SPATS2L: variants seen among roughly 807,000 people sequenced by gnomAD.
The protein encoded by SPATS2L is SPATS2-like protein.
SPATS2L carries 30 observed loss-of-function variants against 59.6 expected under a neutral mutation model. The ratio of observed to expected loss-of-function variants is 0.50; its 90% CI spans 0.38 to 0.68. The LOEUF is 0.68. SPATS2L is among the 30% of genes least tolerant of loss of function. SPATS2L has a pLI of 0.00. For synonymous variants in SPATS2L, 252 were observed against 263.5 expected (o/e 0.96, Z 0.42); for missense variants, 615 against 700.0 (o/e 0.88, Z 1.37).
rs1249720593 is a variant in SPATS2L, at chr2:200,351,289, A to G, written c.-23+21809A>G. On this transcript the variant is annotated intron_variant, in intron 2 of 12. Coordinates refer to ENST00000409140, the MANE Select transcript of SPATS2L (RefSeq NM_001100423.2). ...AACAATAGCAAGCTTTTCTCCAAGC[A>G]TGTAAGTACCGGGAATACAGAGGAA... The G allele has an allele frequency of 1.1e-5, 5 of 471,518 alleles. 1 individual carries two copies. The highest frequency in any genetic ancestry group is 4.7e-5 in the Admixed American group (2 of 42,570). The allele number at this position is 471,518 out of a possible 1,614,324, so 29.2% of individuals were successfully genotyped here.
chr2:200,428,469 A>T (rs2083716358), intron 6 of SPATS2L, among the ~76,000 whole-genome samples: 1 of 152,160 alleles, frequency 6.6e-6, no homozygotes, highest in Admixed American at 6.5e-5. Flanking sequence ...CTGGCTGTTA[A>T]ATTGCTGAAG....
chr2:200,382,533 C>A (rs1432027096), intron 2 of SPATS2L, among the ~76,000 whole-genome samples: 2 of 152,184 alleles, frequency 1.3e-5, no homozygotes, highest in East Asian at 3.9e-4. Context: ...TTTTATTCCC[C>A]TGGTGGAGTT....
chr2:200,356,340 G>T (rs951115053), intron 2 of SPATS2L, among the ~76,000 whole-genome samples: 1 of 152,016 alleles, frequency 6.6e-6, no homozygotes, highest in African/African-American at 2.4e-5. Flanking sequence ...TGTCTCACTG[G>T]CAATGAACAT....
At position 200,454,453 on chromosome 2, in the gene SPATS2L, ATC is replaced by A. The variant is rs561468965; in HGVS notation, c.789-5314_789-5313del. Among the ~76,000 whole-genome samples, 54 of 152,328 alleles carry A rather than the reference ATC, an allele frequency of 3.5e-4. No homozygotes were observed. In the East Asian group the frequency reaches 0.01, roughly 29 times the overall value. ...CCTTTCACAGGGGAGAAAATGATAA[ATC>A]TATTACTACTAACGAGGCTTTCTGA... On this transcript the variant is annotated intron_variant, in intron 8 of 12. Transcript: ENST00000409140.
intron 1 of SPATS2L, among the ~76,000 whole-genome samples, chr2:200,321,757 T>C (rs2079566386): frequency 6.6e-6 from 1 of 152,254 alleles, no homozygotes; most frequent in African/African-American, 2.4e-5. Flanking sequence ...CTTACAGTTC[T>C]TTAGTGTCTA....
chr2:200,373,226 A>G (rs2081485481), intron 2 of SPATS2L: 2 of 150,038 alleles, frequency 1.3e-5, no homozygotes, highest in Admixed American at 1.3e-4. Flanking sequence ...TAGTGTCACT[A>G]AAGTTGGCAT....
chr2:200,328,748 C>T (rs911043987), intron 1 of SPATS2L, among the ~76,000 whole-genome samples: 7 of 152,242 alleles, frequency 4.6e-5, no homozygotes, highest in Non-Finnish European at 5.9e-5. Context: ...GATGGGTGAC[C>T]GAGTGAGTGA....
intron 2 of SPATS2L, chr2:200,384,012 T>TGATA: frequency 1.0e-6 from 1 of 1,001,918 alleles, no homozygotes; most frequent in Non-Finnish European, 1.2e-6. Flanking sequence ...GAAAGCGATT[T>TGATA]GATAGGTCAG....
chr2:200,352,472 C>T (rs1462148249), intron 2 of SPATS2L, among the ~76,000 whole-genome samples: 5 of 151,400 alleles, frequency 3.3e-5, no homozygotes, highest in Admixed American at 1.3e-4. Context: ...TGCTCTGTTA[C>T]GCAGACACAG....
At chr2:200,385,352 G>A (rs1347355908) in intron 2 of SPATS2L, among the ~76,000 whole-genome samples, 1 of 152,164 alleles carries the variant, frequency 6.6e-6, no homozygotes, top group Non-Finnish European at 1.5e-5. Flanking sequence ...AAAATATATT[G>A]AAAAGTTCCT....
intron 9 of SPATS2L, among the ~76,000 whole-genome samples, chr2:200,464,467 T>G (rs1040639593): frequency 6.6e-6 from 1 of 152,204 alleles, no homozygotes; most frequent in Non-Finnish European, 1.5e-5. Context: ...AAATCTTTTG[T>G]TTGGTATGAA....
Position 200,319,108 on chromosome 2 carries a change from C to T in SPATS2L, c.-72-10323C>T, listed in dbSNP as rs137926245. Among the ~76,000 whole-genome samples, 222 of 152,322 alleles carry T rather than the reference C, an allele frequency of 1.5e-3. 1 individual carries two copies. Among genetic ancestry groups the T allele is most frequent in the African/African-American group, 4.9e-3 (203 of 41,574 alleles). Reference sequence around the variant, plus strand: ...CTTTGAATGCCACAGAATAAATATGCACCTTCTGTGTGGTCGCTCTTCAAA... The same window carrying T: ...CTTTGAATGCCACAGAATAAATATGTACCTTCTGTGTGGTCGCTCTTCAAA... On this transcript the variant is annotated intron_variant, in intron 1 of 12. Transcript: ENST00000409140.
chr2:200,470,103 C>T (rs372664469), intron 11 of SPATS2L, 87 bp downstream of exon 11: 2 of 1,063,052 alleles, frequency 1.9e-6, no homozygotes, highest in East Asian at 5.2e-5. Context: ...GGTGTGCAGT[C>T]CCCCCAGGGG....
At chr2:200,414,097 C>T (rs1000901138) in intron 4 of SPATS2L, among the ~76,000 whole-genome samples, 5 of 151,828 alleles carry the variant, frequency 3.3e-5, no homozygotes, top group Non-Finnish European at 5.9e-5. Context: ...CTCCCTACCC[C>T]CACTTGGATT....
Position 200,462,785 on chromosome 2 carries a change from G to A in SPATS2L, c.847+2958G>A, listed in dbSNP as rs138760861. Among the ~76,000 whole-genome samples, 63 of 152,238 alleles carry A rather than the reference G, an allele frequency of 4.1e-4. No homozygotes were observed. The East Asian group carries it at 0.011, about 27-fold the overall frequency. ...TAAAAATAAAAAATAAATTAGCCAC[G>A]TGTGGTGGCATGTGCCCATAGTTCT... On this transcript the variant is annotated intron_variant, in intron 9 of 12. Coordinates refer to ENST00000409140, the MANE Select transcript of SPATS2L (RefSeq NM_001100423.2).
chr2:200,309,091 G>C (rs1344609548), intron 1 of SPATS2L: 3 of 717,850 alleles, frequency 4.2e-6, no homozygotes, highest in African/African-American at 3.5e-5. Flanking sequence ...GTTTTGCCAT[G>C]TAAGTGGTAA....
At chr2:200,468,710 A>G (rs948428227) in intron 10 of SPATS2L, among the ~76,000 whole-genome samples, 1 of 152,182 alleles carries the variant, frequency 6.6e-6, no homozygotes, top group East Asian at 1.9e-4. Context: ...CTCGTACTCC[A>G]CTAAGACCAG....
At chr2:200,467,562 A>G (rs1210768237) in intron 10 of SPATS2L, among the ~76,000 whole-genome samples, 163 bp downstream of exon 10, 1 of 152,234 alleles carries the variant, frequency 6.6e-6, no homozygotes, top group East Asian at 1.9e-4. Context: ...AGACCCACAT[A>G]ATCACTGTGT....
At chr2:200,375,692 T>C (rs1256000381) in intron 2 of SPATS2L, among the ~76,000 whole-genome samples, 1 of 152,176 alleles carries the variant, frequency 6.6e-6, no homozygotes, top group Admixed American at 6.5e-5. Flanking sequence ...AGTGGCATGA[T>C]CACAGCTCAC....
Sources: gnomAD v4.1 joint callset for allele counts (sites outside exome capture counted in the v4.1 genomes callset) on GRCh38, gnomAD v4.1.1 for gene constraint, MANE v1.5 for transcripts, NCBI Gene and HGNC (gene_info 2026-07-23, HGNC 2026-07-21) for gene names.